Variants in UBA7 observed in about 807,000 individuals in gnomAD.
UBA7 encodes the protein ubiquitin like modifier activating enzyme 7, also known as ubiquitin-like modifier-activating enzyme 7.
Under a neutral mutation model 113.0 loss-of-function variants are expected in UBA7, and 88 were observed. The ratio of observed to expected loss-of-function variants is 0.78; its 90% CI spans 0.66 to 0.93. The LOEUF is 0.93. UBA7 is among the 40% of genes least tolerant of loss of function. The pLI is 0.00. For missense variants in UBA7, 1,092 were observed against 1,266.4 expected (o/e 0.86, Z 2.09); for synonymous variants, 459 against 513.0 (o/e 0.89, Z 1.42).
Position 49,809,872 on chromosome 3 carries a change from CG to C in UBA7, c.1846del (p.Arg616GlyfsTer37), listed in dbSNP as rs1559434524. The C allele has an allele frequency of 3.7e-6, 6 of 1,614,110 alleles. No homozygotes were observed. The highest frequency in any genetic ancestry group is 5.1e-6 in the Non-Finnish European group (6 of 1,180,026). On this transcript the variant is annotated frameshift_variant, in exon 15 of 24. Coordinates refer to ENST00000333486, the MANE Select transcript of UBA7 (RefSeq NM_003335.3). LOFTEE classifies it high-confidence loss of function. ...STAEHTLQWA[R>X]HEFEELFRLS... ...TCGGAAGAGTTCTTCAAACTCATGC[CG>C]GGCCCACTGTGGAGGAGGGAGGAAG...
chr3:49,812,502 G>A lies in UBA7; in HGVS notation c.600C>T (p.Thr200=), dbSNP rs1295565147. The A allele has an allele frequency of 6.2e-7, 1 of 1,614,088 alleles. No individual in the cohort carries two copies. Among genetic ancestry groups the A allele is most frequent in the Non-Finnish European group, 8.5e-7 (1 of 1,180,060 alleles). The change falls in exon 6 of 24, where the codon ACC becomes ACT. Residue 200 remains threonine, a synonymous_variant. Transcript: ENST00000333486. ...GILTLRKGAN[T]HYFRDGDLVT... ...CCAAGTCTCCATCACGGAAGTAGTG[G>A]GTATTGGCCCCTTTCCTCAGAGTGA...
In UBA7 at chr3:49,813,644, A is replaced by G. The variant is rs756405924; in HGVS notation, c.60T>C (p.Tyr20=). 2 of 1,614,230 alleles carry G rather than the reference A, an allele frequency of 1.2e-6. No homozygotes were observed. Among genetic ancestry groups the G allele is most frequent in the South Asian group, 2.2e-5 (2 of 91,088 alleles). ...TCTGCATGGCAGGTGAGCCCAGCAC[A>G]TACCTGTGGATGGGAAGCAGAAGGC... ...LDEELYSRQL[Y]VLGSPAMQRI... Residue 20 remains tyrosine, a synonymous_variant, in exon 2 of 24, where the codon TAT becomes TAC. Transcript: ENST00000333486.
At chr3:49,812,272 T>A in intron 6 of UBA7, 66 bp from the exon 7 acceptor site, 1 of 1,611,146 alleles carries the variant, frequency 6.2e-7, no homozygotes, top group Non-Finnish European at 8.5e-7. Flanking sequence ...CCCCATCCTA[T>A]CTTGCATCTG....
chr3:49,813,868 G>A lies in UBA7; in HGVS notation c.-81C>T. The A allele has an allele frequency of 6.5e-7, 1 of 1,534,614 alleles. No homozygotes were observed. Among genetic ancestry groups the A allele is most frequent in the Non-Finnish European group, 8.9e-7 (1 of 1,119,978 alleles). On this transcript the variant is annotated 5_prime_UTR_variant, in exon 1 of 24. Transcript: ENST00000333486. ...TAGGTGGCGGTGACAGTAGGGGCCA[G>A]TGCCCTGCTGTAGCCAGTGCAAACA... is the stretch of plus-strand genomic sequence containing the variant.
chr3:49,806,039 T>TGAGCC, intron 22 of UBA7, 34 bp downstream of exon 22: 1 of 1,574,506 alleles, frequency 6.4e-7, no homozygotes, highest in Non-Finnish European at 8.6e-7. Context: ...CGGGCTGGGC[T>TGAGCC]GAGCCTGGGG....
chr3:49,807,864 G>C lies in UBA7; in HGVS notation c.2587C>G (p.Leu863Val), dbSNP rs759246920. The change falls in exon 21 of 24, where the codon CTG (leucine) becomes GTG (valine). Residue 863 changes from leucine (L) to valine (V), a missense_variant. Leu to Val is a conservative substitution (Grantham distance 32, BLOSUM62 1). Around this residue, in one of 3 missense-constraint regions of UBA7, gnomAD observed 500 missense variants for 529.3 expected, o/e 0.94. Transcript: ENST00000333486. This position sits in a 1 kb window ranked among gnomAD's most constrained non-coding sequence, Gnocchi z 4.0. ...IATTTAAVAG[L>V]LGLELYKVVS... is the part of the protein sequence containing the mutation. Reference sequence around the variant, plus strand: ...ACCTTATACAGCTCCAGGCCCAACAGGCCTGCCACAGCTGCTGTAGTGGTG... The same window carrying C: ...ACCTTATACAGCTCCAGGCCCAACACGCCTGCCACAGCTGCTGTAGTGGTG... 20 of 1,613,792 alleles carry C rather than the reference G, an allele frequency of 1.2e-5. No individual in the cohort carries two copies. The Admixed American group carries it at 2.2e-4, about 17-fold the overall frequency.
At chr3:49,808,580 A>G in intron 18 of UBA7, 112 bp from the exon 19 acceptor site, 1 of 1,158,760 alleles carries the variant, frequency 8.6e-7, no homozygotes, top group Non-Finnish European at 1.2e-6. Context: ...CTATTCCCTG[A>G]TCAAATCAAG....
In UBA7 at chr3:49,807,866, C is replaced by T; in HGVS notation, c.2585G>A (p.Gly862Asp). The T allele has an allele frequency of 1.2e-6, 2 of 1,613,826 alleles. No individual in the cohort carries two copies. Among genetic ancestry groups the T allele is most frequent in the Non-Finnish European group, 1.7e-6 (2 of 1,179,782 alleles). Residue 862 changes from glycine (G) to aspartate (D), a missense_variant, in exon 21 of 24, where the codon GGC (glycine) becomes GAC (aspartate). By Grantham distance (94) the Gly-to-Asp change is moderately conservative. This residue lies in a region of UBA7 where 500 missense variants were observed against 529.3 expected (regional missense o/e 0.94). Transcript: ENST00000333486. The surrounding 1 kb of genome is among the most constrained non-coding windows in gnomAD (Gnocchi z 4.0). The part of the protein sequence containing the change: ...AIATTTAAVA[G>D]LLGLELYKVV... ...CTTATACAGCTCCAGGCCCAACAGGCCTGCCACAGCTGCTGTAGTGGTGGC... is the reference window on the plus strand; with the variant it reads ...CTTATACAGCTCCAGGCCCAACAGGTCTGCCACAGCTGCTGTAGTGGTGGC...
In UBA7 at chr3:49,806,159, G is replaced by A. The variant is rs1428043724; in HGVS notation, c.2722C>T (p.His908Tyr). 2.5e-6 allele frequency: 4 copies of A among 1,597,092 alleles called. No homozygotes were observed. Among genetic ancestry groups the A allele is most frequent in the Non-Finnish European group, 3.4e-6 (4 of 1,172,304 alleles). The change falls in exon 22 of 24, where the codon CAC (histidine) becomes TAC (tyrosine). Residue 908 changes from histidine (H) to tyrosine (Y), a missense_variant. By Grantham distance (83) the His-to-Tyr change is moderately conservative. Transcript: ENST00000333486. ...PFAPAIQTFH[H>Y]LKWTSWDRLK... ...CGGTCCCAAGAGGTCCACTTCAGGTGATGGAACTGGGATGAGGTAGAGGAG... is the reference window on the plus strand; with the variant it reads ...CGGTCCCAAGAGGTCCACTTCAGGTAATGGAACTGGGATGAGGTAGAGGAG...
In UBA7 at chr3:49,810,529, G is replaced by A. The variant is rs2081526852; in HGVS notation, c.1455C>T (p.Ser485=). The change falls in exon 12 of 24, where the codon TCC becomes TCT. Residue 485 remains serine, a synonymous_variant. Coordinates refer to ENST00000333486, the MANE Select transcript of UBA7 (RefSeq NM_003335.3). This position sits in a 1 kb window ranked among gnomAD's most constrained non-coding sequence, Gnocchi z 5.6. The part of the protein sequence containing the change: ...SNLSRQFLFR[S]QDVGRPKAEV... The stretch of plus-strand genomic sequence containing the variant: ...GGTCAGCACTCACACCAACGTCCTG[G>A]GACCTGAAGAGGAACTGACGGCTGA... The A allele has an allele frequency of 3.7e-6, 6 of 1,614,112 alleles. No homozygotes were observed. The highest frequency in any genetic ancestry group is 5.1e-6 in the Non-Finnish European group (6 of 1,180,000).
intron 3 of UBA7, 39 bp downstream of exon 3, chr3:49,813,210 A>C (rs2081577499): frequency 1.2e-6 from 2 of 1,613,518 alleles, no homozygotes; most frequent in Non-Finnish European, 1.7e-6. Flanking sequence ...ACCATTGCCC[A>C]GCCCTTCCTG....
Position 49,806,072 on chromosome 3 carries a change from C to G in UBA7, c.2808+1G>C, listed in dbSNP as rs138872029. On this transcript the variant is annotated splice_donor_variant, in intron 22 of 23. Coordinates refer to ENST00000333486, the MANE Select transcript of UBA7 (RefSeq NM_003335.3). LOFTEE classifies it high-confidence loss of function. ...GGGGTTGGGGTAGCAACAGGGCACACCTGAAGATGAGCCAGCAGCGACTCC... is the reference window on the plus strand; with the variant it reads ...GGGGTTGGGGTAGCAACAGGGCACAGCTGAAGATGAGCCAGCAGCGACTCC... The G allele has an allele frequency of 6.4e-5, 102 of 1,587,904 alleles. No individual in the cohort carries two copies. Among genetic ancestry groups the G allele is most frequent in the Middle Eastern group, 5.0e-4 (3 of 6,024 alleles).
At position 49,807,778 on chromosome 3, in the gene UBA7, G is replaced by A. The variant is rs1414728901; in HGVS notation, c.2673C>T (p.Asn891=). The change falls in exon 21 of 24, where the codon AAC becomes AAT. Residue 891 remains asparagine, a synonymous_variant. Transcript: ENST00000333486. The surrounding 1 kb of genome is among the most constrained non-coding windows in gnomAD (Gnocchi z 4.0). ...FRHSYLHLAE[N]YLIRYMPFAP... ...CAAAAGGCATATAGCGGATGAGGTAGTTTTCAGCCAGATGTAGGTAGCTGT... is the reference window on the plus strand; with the variant it reads ...CAAAAGGCATATAGCGGATGAGGTAATTTTCAGCCAGATGTAGGTAGCTGT... 1 of 1,613,706 alleles carries A rather than the reference G, an allele frequency of 6.2e-7. No individual in the cohort carries two copies. The highest frequency in any genetic ancestry group is 1.7e-5 in the Admixed American group (1 of 59,976).
In UBA7 at chr3:49,811,423, C is replaced by T. The variant is rs762891544; in HGVS notation, c.972G>A (p.Arg324=). Residue 324 remains arginine (R), a synonymous_variant, in exon 9 of 24, where the codon CGG becomes CGA. Transcript: ENST00000333486. Reference sequence around the variant, plus strand: ...CTGTCCGCTTCAGTGGTTCCAGGTCCCGGGCCAGGCCCACCACAGTCTCTG... The same window carrying T: ...CTGTCCGCTTCAGTGGTTCCAGGTCTCGGGCCAGGCCCACCACAGTCTCTG... ...VDAETVVGLA[R]DLEPLKRTEE... 6.3e-6 allele frequency: 10 copies of T among 1,595,700 alleles called. No homozygotes were observed. In the South Asian group the frequency reaches 1.0e-4, roughly 16 times the overall value.
Position 49,807,283 on chromosome 3 carries a change from C to T in UBA7, c.2715+453G>A, listed in dbSNP as rs987112733. ...CACTCACAACTGTGACACAAATACA[C>T]TCAGGGCTGCAGACCCCACACCTCT... On this transcript the variant is annotated intron_variant, in intron 21 of 23. Coordinates refer to ENST00000333486, the MANE Select transcript of UBA7 (RefSeq NM_003335.3). This position sits in a 1 kb window ranked among gnomAD's most constrained non-coding sequence, Gnocchi z 4.0. 6.6e-6 allele frequency among the ~76,000 whole-genome samples: 1 copy of T among 152,222 alleles called. No homozygotes were observed. The highest frequency in any genetic ancestry group is 1.5e-5 in the Non-Finnish European group (1 of 68,038).
chr3:49,808,856 G>A, intron 18 of UBA7, 120 bp downstream of exon 18: 1 of 1,311,054 alleles, frequency 7.6e-7, no homozygotes, highest in Non-Finnish European at 1.0e-6. Flanking sequence ...GGAGGCCTGA[G>A]AGGTAGCAAA....
chr3:49,810,879 C>T lies in UBA7; in HGVS notation c.1231-47G>A, dbSNP rs777390840. The T allele has an allele frequency of 7.4e-6, 12 of 1,612,458 alleles. No individual in the cohort carries two copies. The highest frequency in any genetic ancestry group is 5.5e-5 in the South Asian group (5 of 91,048). On this transcript the variant is annotated intron_variant, in intron 10 of 23. Coordinates refer to ENST00000333486, the MANE Select transcript of UBA7 (RefSeq NM_003335.3). The surrounding 1 kb of genome is among the most constrained non-coding windows in gnomAD (Gnocchi z 5.6). The stretch of plus-strand genomic sequence containing the variant: ...AGTGATGGCTACTGGCCTGCATCTC[C>T]TTCTTATACTGAGTTTTCTGAATCA...
Position 49,807,883 on chromosome 3 carries a change from A to G in UBA7, c.2568T>C (p.Thr856=). Residue 856 remains threonine, a synonymous_variant, in exon 21 of 24, where the codon ACT becomes ACC. Coordinates refer to ENST00000333486, the MANE Select transcript of UBA7 (RefSeq NM_003335.3). This position sits in a 1 kb window ranked among gnomAD's most constrained non-coding sequence, Gnocchi z 4.0. The part of the protein sequence containing the change: ...VGQIIPAIAT[T]TAAVAGLLGL... ...CCAACAGGCCTGCCACAGCTGCTGT[A>G]GTGGTGGCAATGGCTGGGATAATCT... The G allele has an allele frequency of 6.2e-7, 1 of 1,613,354 alleles. No individual in the cohort carries two copies.
intron 23 of UBA7, 84 bp downstream of exon 23, chr3:49,805,813 G>A (rs889157135): frequency 7.6e-6 from 10 of 1,318,034 alleles, no homozygotes; most frequent in Non-Finnish European, 1.1e-5. Flanking sequence ...CCAGAATGGG[G>A]CTGGGAAGAC....
Sources: gnomAD v4.1 joint callset for allele counts (sites outside exome capture counted in the v4.1 genomes callset) on GRCh38, gnomAD v4.1.1 for gene constraint, gnomAD v4.1.1 regional missense constraint, Gnocchi (gnomAD v3.1) non-coding constraint, MANE v1.5 for transcripts, NCBI Gene and HGNC (gene_info 2026-07-23, HGNC 2026-07-21) for gene names.